Variants in DLG2 observed in about 807,000 individuals in gnomAD.
DLG2 encodes disks large homolog 2.
Under a neutral mutation model 132.5 loss-of-function variants are expected in DLG2, and 45 were observed. The observed-to-expected ratio is 0.34, with a 90% CI of 0.27 to 0.44. The LOEUF (loss-of-function observed/expected upper bound fraction) is 0.44, where lower values mean the gene tolerates loss of function less well. Among genes scored for constraint, DLG2 ranks in the 20% least tolerant of loss-of-function variants. The pLI is 1.00. For synonymous variants in DLG2, 424 were observed against 419.6 expected, an observed-to-expected ratio of 1.01 and a Z score of -0.13; for missense variants, 1,045 against 1,196.9, an observed-to-expected ratio of 0.87 and a Z score of 1.87.
intron 7 of DLG2, among the ~76,000 whole-genome samples, chr11:84,366,421 C>G (rs1257733306): frequency 6.6e-6 from 1 of 151,354 alleles, no homozygotes; most frequent in Non-Finnish European, 1.5e-5. Flanking sequence ...AGCAAAATCA[C>G]CAGCTAACAT....
At chr11:84,779,607 G>A (rs1332094322) in intron 6 of DLG2, among the ~76,000 whole-genome samples, 1 of 151,992 alleles carries the variant, frequency 6.6e-6, no homozygotes, top group Non-Finnish European at 1.5e-5. Flanking sequence ...TGTTAAATAG[G>A]AGAGAGGCAA....
At chr11:83,969,915 A>G (rs2090996779) in intron 12 of DLG2, among the ~76,000 whole-genome samples, 3 of 149,656 alleles carry the variant, frequency 2.0e-5, no homozygotes, top group Non-Finnish European at 3.0e-5. Context: ...TTTAAAATGT[A>G]TATGAAAGTG....
intron 3 of DLG2, among the ~76,000 whole-genome samples, chr11:85,496,626 C>T (rs1565584885): frequency 6.6e-6 from 1 of 152,158 alleles, no homozygotes; most frequent in Non-Finnish European, 1.5e-5. Flanking sequence ...TCAAGTGGGT[C>T]CCTGATCCCC....
At chr11:84,995,595 A>C (rs117761957) in intron 6 of DLG2, among the ~76,000 whole-genome samples, 354 of 152,318 alleles carry the variant, frequency 2.3e-3, no homozygotes, top group Non-Finnish European at 4.0e-3. Flanking sequence ...ATACACTTAC[A>C]TATAAATAAG....
At chr11:84,180,063 C>A (rs1485969309) in intron 8 of DLG2, among the ~76,000 whole-genome samples, 1 of 152,104 alleles carries the variant, frequency 6.6e-6, no homozygotes, top group Non-Finnish European at 1.5e-5. Flanking sequence ...GGAGACTCAA[C>A]AAGCATCAGA....
At chr11:84,743,567 C>T (rs1374626228) in intron 6 of DLG2, among the ~76,000 whole-genome samples, 1 of 151,926 alleles carries the variant, frequency 6.6e-6, no homozygotes, top group Admixed American at 6.5e-5. Flanking sequence ...CTAGAGAAGA[C>T]AAAGAGTCAT....
At chr11:85,459,016 C>T (rs1014649929) in intron 3 of DLG2, among the ~76,000 whole-genome samples, 15 of 152,140 alleles carry the variant, frequency 9.9e-5, no homozygotes, top group African/African-American at 3.6e-4. Flanking sequence ...GGCACCTGTG[C>T]TTTGGGCTCA....
At chr11:85,604,712 A>G (rs2080405053) in intron 2 of DLG2, among the ~76,000 whole-genome samples, 1 of 152,162 alleles carries the variant, frequency 6.6e-6, no homozygotes, top group Non-Finnish European at 1.5e-5. Context: ...CACTTTTTAA[A>G]ATAAGAAATT....
At chr11:85,265,753 T>G (rs1397964417) in intron 4 of DLG2, among the ~76,000 whole-genome samples, 1 of 152,162 alleles carries the variant, frequency 6.6e-6, no homozygotes, top group African/African-American at 2.4e-5. Context: ...GATCCTAGAC[T>G]CAGCCAGTAG....
chr11:83,579,840 T>C (rs1464117212), intron 19 of DLG2, among the ~76,000 whole-genome samples: 1 of 151,618 alleles, frequency 6.6e-6, no homozygotes, highest in East Asian at 1.9e-4. Context: ...CATGGTGGCA[T>C]GTGCCTATGG....
At chr11:83,848,646 G>A (rs914614277) in intron 16 of DLG2, among the ~76,000 whole-genome samples, 1 of 152,120 alleles carries the variant, frequency 6.6e-6, no homozygotes, top group Non-Finnish European at 1.5e-5. Flanking sequence ...CTTAGTTCAG[G>A]CCCATGACAT....
At chr11:84,801,579 G>C (rs958770698) in intron 6 of DLG2, among the ~76,000 whole-genome samples, 1 of 152,124 alleles carries the variant, frequency 6.6e-6, no homozygotes, top group African/African-American at 2.4e-5. Context: ...TTGCTTAATT[G>C]AGAAAAAGTT....
At chr11:85,146,788 G>T (rs1383852409) in intron 5 of DLG2, among the ~76,000 whole-genome samples, 1 of 152,154 alleles carries the variant, frequency 6.6e-6, no homozygotes, top group Non-Finnish European at 1.5e-5. Flanking sequence ...AGCAGTGCCA[G>T]GACTTATCCA....
intron 3 of DLG2, among the ~76,000 whole-genome samples, chr11:85,406,112 C>G (rs2088704227): frequency 6.6e-6 from 1 of 151,810 alleles, no homozygotes; most frequent in Admixed American, 6.6e-5. Flanking sequence ...TAGAGTCACA[C>G]AACTTATACA....
chr11:85,109,090 T>C (rs2072288102), intron 6 of DLG2, among the ~76,000 whole-genome samples: 2 of 152,012 alleles, frequency 1.3e-5, no homozygotes, highest in African/African-American at 4.8e-5. Flanking sequence ...CCTGCTGGAA[T>C]CAAATGTCTT....
intron 17 of DLG2, among the ~76,000 whole-genome samples, chr11:83,816,263 T>C (rs895563536): frequency 6.6e-5 from 10 of 152,170 alleles, no homozygotes; most frequent in African/African-American, 2.2e-4. Flanking sequence ...GGCAGCATCA[T>C]CAGATGGCTA....
In DLG2 at chr11:85,598,764, A is replaced by G; in HGVS notation, c.-68T>C. ...CCTTAATTTTTTGCAGTATTCTTCC[A>G]GTAATGATAAAGCTCGGTCAGTATC... On this transcript the variant is annotated 5_prime_UTR_variant, in exon 3 of 28. Transcript: ENST00000376104. The G allele has an allele frequency of 2.3e-6, 3 of 1,318,928 alleles. No homozygotes were observed. Among genetic ancestry groups the G allele is most frequent in the Non-Finnish European group, 3.1e-6 (3 of 956,518 alleles). The allele number at this position is 1,318,928 out of a possible 1,614,324, so 81.7% of individuals were successfully genotyped here.
chr11:85,098,916 C>G (rs2070385172), intron 6 of DLG2, among the ~76,000 whole-genome samples: 2 of 152,166 alleles, frequency 1.3e-5, no homozygotes, highest in South Asian at 4.1e-4. Flanking sequence ...TCCACCTGCT[C>G]CAGTCATGCT....
intron 6 of DLG2, among the ~76,000 whole-genome samples, chr11:84,924,644 C>A (rs545827095): frequency 2.6e-5 from 4 of 152,116 alleles, no homozygotes; most frequent in African/African-American, 4.8e-5. Context: ...CAGAAAGTGT[C>A]GTCAGTTCTG....
Sources: gnomAD v4.1 joint callset for allele counts (sites outside exome capture counted in the v4.1 genomes callset) on GRCh38, gnomAD v4.1.1 for gene constraint, MANE v1.5 for transcripts, NCBI Gene and HGNC (gene_info 2026-07-23, HGNC 2026-07-21) for gene names.